Variants in BMP1 observed in about 807,000 individuals in gnomAD.
BMP1 encodes the protein bone morphogenetic protein 1.
In BMP1, 63 loss-of-function variants were observed where a neutral mutation model predicts 116.8. The observed-to-expected ratio is 0.54, with a 90% CI of 0.44 to 0.67. The LOEUF (loss-of-function observed/expected upper bound fraction) is 0.67, where lower values mean the gene tolerates loss of function less well. Among genes scored for constraint, BMP1 ranks in the 30% least tolerant of loss-of-function variants. The pLI is 0.00. For synonymous variants in BMP1, 536 were observed against 533.4 expected (o/e 1.00, Z -0.07); for missense variants, 1,183 against 1,358.9 (o/e 0.87, Z 2.04).
rs920550912 is a variant in BMP1 at position 22,194,078 on chromosome 8, C to T, written c.1201C>T (p.Leu401Phe). Reference protein sequence around the residue: ...PLRGRFCGSKLPEPIVSTDSR... With the variant: ...PLRGRFCGSKFPEPIVSTDSR... ...TGCAGGCCGCTTCTGCGGGTCCAAA[C>T]TCCCTGAGCCTATCGTCTCCACTGA... Residue 401 changes from leucine to phenylalanine, a missense_variant, in exon 10 of 20, where the codon CTC becomes TTC. This residue lies in a region of BMP1 where 956 missense variants were observed against 1,135.2 expected (regional missense o/e 0.84). Transcript: ENST00000306385. The surrounding 1 kb of genome is among the most constrained non-coding windows in gnomAD (Gnocchi z 4.5). The T allele has an allele frequency of 1.2e-6, 2 of 1,614,232 alleles. No homozygotes were observed. The highest frequency in any genetic ancestry group is 1.7e-6 in the Non-Finnish European group (2 of 1,180,044).
chr8:22,172,656 A>G (rs1195270357), intron 1 of BMP1, among the ~76,000 whole-genome samples: 2 of 120,892 alleles, frequency 1.7e-5, no homozygotes, highest in African/African-American at 6.8e-5. Context: ...TCTGTTGCCC[A>G]GGCTGGATTG....
At chr8:22,181,969 C>A (rs1828635341) in intron 8 of BMP1, among the ~76,000 whole-genome samples, 1 of 152,196 alleles carries the variant, frequency 6.6e-6, no homozygotes, top group Non-Finnish European at 1.5e-5. Flanking sequence ...CCCATGTCAG[C>A]CCTCCTAATG....
At chr8:22,200,985 G>T in intron 15 of BMP1, 23 of 314,814 alleles carry the variant, frequency 7.3e-5, no homozygotes, top group Middle Eastern at 7.5e-4. Flanking sequence ...GTGTCCGCCT[G>T]CCCTCCCGCC....
intron 15 of BMP1, chr8:22,199,153 A>G (rs763962204): frequency 6.6e-6 from 9 of 1,367,512 alleles, no homozygotes; most frequent in African/African-American, 1.5e-5. Flanking sequence ...CCACACGCAC[A>G]CACATGTGCA....
intron 1 of BMP1, 65 bp from the exon 2 acceptor site, chr8:22,173,537 A>G: frequency 7.8e-7 from 1 of 1,279,064 alleles, no homozygotes; most frequent in South Asian, 1.4e-5. Flanking sequence ...TGGGGCTAGA[A>G]GCACGGTGCA....
At position 22,201,810 on chromosome 8, in the gene BMP1, C is replaced by T. The variant is rs61729094; in HGVS notation, c.2115C>T (p.Asp705=). The T allele has an allele frequency of 0.021, 33,126 of 1,613,612 alleles. 515 individuals carry two copies. Among genetic ancestry groups the T allele is most frequent in the Middle Eastern group, 0.09 (535 of 5,946 alleles). Residue 705 remains aspartate (D), a synonymous_variant, in exon 16 of 20, where the codon GAC becomes GAT. Coordinates refer to ENST00000306385, the MANE Select transcript of BMP1 (RefSeq NM_006129.5). The part of the protein sequence containing the change: ...GFKAHFFSDK[D]ECSKDNGGCQ... ...TTATTTGCTCCCCTGCAGACAAGGA[C>T]GAGTGCTCCAAGGATAACGGCGGCT...
At chr8:22,209,341 A>AT in intron 18 of BMP1, 104 bp from the exon 19 acceptor site, 5 of 1,527,562 alleles carry the variant, frequency 3.3e-6, no homozygotes, top group Non-Finnish European at 4.4e-6. Context: ...CGTGGCCTTC[A>AT]CCCAGGCCTC....
Position 22,173,723 on chromosome 8 carries a change from G to A in BMP1, c.262+8G>A, listed in dbSNP as rs745952550. On this transcript the variant is annotated splice_region_variant and intron_variant, in intron 2 of 19. Transcript: ENST00000306385. Reference sequence around the variant, plus strand: ...CCTCCATCAAAGCTGCAGGTAAGCCGGGTGCCAATGGGCCCTCTGTGTCCT... The same window carrying A: ...CCTCCATCAAAGCTGCAGGTAAGCCAGGTGCCAATGGGCCCTCTGTGTCCT... 2.3e-5 allele frequency: 37 copies of A among 1,599,828 alleles called. No individual in the cohort carries two copies. The highest frequency in any genetic ancestry group is 8.1e-5 in the African/African-American group (6 of 74,444).
rs747693097 is a variant in BMP1 at position 22,195,522 on chromosome 8, T to C, written c.1700T>C (p.Leu567Pro). The C allele has an allele frequency of 3.3e-5, 53 of 1,612,620 alleles. No individual in the cohort carries two copies. Among genetic ancestry groups the C allele is most frequent in the Non-Finnish European group, 4.5e-5 (53 of 1,179,788 alleles). ...GGCEQRCLNT[L>P]GSYKCSCDPG... ...TGTGAGCAGCGGTGCCTCAACACCC[T>C]GGGCAGCTACAAGTGCAGCTGTGAC... is the stretch of plus-strand genomic sequence containing the variant. Residue 567 changes from leucine (L) to proline (P), a missense_variant, in exon 13 of 20, where the codon CTG becomes CCG. Leu to Pro is a moderately conservative substitution (Grantham distance 98). This residue lies in a region of BMP1 where 956 missense variants were observed against 1,135.2 expected (regional missense o/e 0.84). Coordinates refer to ENST00000306385, the MANE Select transcript of BMP1 (RefSeq NM_006129.5).
intron 15 of BMP1, chr8:22,199,532 T>A: frequency 1.2e-6 from 1 of 806,014 alleles, no homozygotes; most frequent in Non-Finnish European, 1.6e-6. Context: ...TTTCCCCCAC[T>A]CATTCATCCA....
Position 22,188,843 on chromosome 8 carries a change from C to T in BMP1, c.1078-3206C>T, listed in dbSNP as rs571595361. Among the ~76,000 whole-genome samples, 19 of 152,316 alleles carry T rather than the reference C, an allele frequency of 1.2e-4. No individual in the cohort carries two copies. In the South Asian group the frequency reaches 3.9e-3, roughly 32 times the overall value. Reference sequence around the variant, plus strand: ...TGACGTCATCCTCCCCAGACAGAGCCAAGGCTGCTTCTAAGGATGAAGGAA... The same window carrying T: ...TGACGTCATCCTCCCCAGACAGAGCTAAGGCTGCTTCTAAGGATGAAGGAA... On this transcript the variant is annotated intron_variant, in intron 8 of 19. Coordinates refer to ENST00000306385, the MANE Select transcript of BMP1 (RefSeq NM_006129.5).
intron 8 of BMP1, among the ~76,000 whole-genome samples, chr8:22,190,531 T>C (rs985901385): frequency 1.3e-5 from 2 of 152,160 alleles, no homozygotes; most frequent in Non-Finnish European, 2.9e-5. Flanking sequence ...CAATTTTCGA[T>C]GAAGCCGGCC....
intron 8 of BMP1, among the ~76,000 whole-genome samples, chr8:22,187,225 A>T (rs2131867337): frequency 6.6e-6 from 1 of 152,212 alleles, no homozygotes; most frequent in Admixed American, 6.5e-5. Flanking sequence ...TCCTGACCTC[A>T]GGTGATCTGC....
rs1563264330 is a variant in BMP1, at chr8:22,194,421, C to CCA, written c.1298-22_1298-21dup. 1.9e-6 allele frequency: 3 copies of CCA among 1,613,348 alleles called. No homozygotes were observed. The South Asian group carries it at 3.3e-5, about 18-fold the overall frequency. The stretch of plus-strand genomic sequence containing the variant: ...AAGCATGCTGACTCACCACCCCTTC[C>CCA]CACCCCATCCTGTGTCCCCACAGCC... On this transcript the variant is annotated intron_variant, in intron 10 of 19. Transcript: ENST00000306385. This position sits in a 1 kb window ranked among gnomAD's most constrained non-coding sequence, Gnocchi z 4.5.
At chr8:22,181,816 A>G (rs1217213635) in intron 8 of BMP1, among the ~76,000 whole-genome samples, 1 of 152,060 alleles carries the variant, frequency 6.6e-6, no homozygotes, top group East Asian at 1.9e-4. Flanking sequence ...CAGGCTTCCA[A>G]AGTGCTGGGA....
intron 15 of BMP1, chr8:22,199,235 G>A: frequency 7.3e-7 from 1 of 1,367,562 alleles, no homozygotes; most frequent in Non-Finnish European, 9.8e-7. Flanking sequence ...AGCCCTCAGG[G>A]CCCGGGGCAT....
intron 8 of BMP1, among the ~76,000 whole-genome samples, chr8:22,189,898 T>C (rs1312928516): frequency 6.6e-6 from 1 of 152,120 alleles, no homozygotes; most frequent in African/African-American, 2.4e-5. Context: ...CCAAGAGTAA[T>C]ATATAGTGTG....
intron 8 of BMP1, among the ~76,000 whole-genome samples, chr8:22,181,791 G>A (rs1268742949): frequency 6.6e-6 from 1 of 152,136 alleles, no homozygotes; most frequent in Non-Finnish European, 1.5e-5. Context: ...CTGAGTTCAA[G>A]TGATCCTCCT....
chr8:22,198,757 A>C (rs1586465829), intron 15 of BMP1: 2 of 215,606 alleles, frequency 9.3e-6, no homozygotes, highest in Admixed American at 5.8e-5. Context: ...GATGCCATGC[A>C]CCTGCCCCTG....
Sources: allele counts gnomAD v4.1 joint callset (sites outside exome capture counted in the v4.1 genomes callset), GRCh38; gene constraint gnomAD v4.1.1; regional missense constraint gnomAD v4.1.1; non-coding constraint Gnocchi (gnomAD v3.1); transcripts MANE v1.5; gene names NCBI Gene and HGNC (gene_info 2026-07-23, HGNC 2026-07-21).